Variants in SCMH1 observed in about 807,000 individuals in gnomAD.
SCMH1 encodes the protein polycomb protein SCMH1.
In SCMH1, 37 loss-of-function variants were observed where a neutral mutation model predicts 70.8. The observed-to-expected ratio is 0.52, with a 90% confidence interval of 0.40 to 0.69. SCMH1 has a LOEUF of 0.69. SCMH1 is among the 30% of genes least tolerant of loss of function. The pLI is 0.00. For synonymous variants in SCMH1, 292 were observed against 307.4 expected (o/e 0.95, Z 0.52); for missense variants, 607 against 827.3 (o/e 0.73, Z 3.27).
At chr1:41,219,747 C>T (rs764064163) in intron 1 of SCMH1, among the ~76,000 whole-genome samples, 7 of 152,136 alleles carry the variant, frequency 4.6e-5, no homozygotes, top group African/African-American at 7.2e-5. Context: ...CTGGCCAACA[C>T]GGCGAAACCG....
intron 2 of SCMH1, among the ~76,000 whole-genome samples, chr1:41,174,772 T>C (rs980988071): frequency 6.6e-6 from 1 of 152,234 alleles, no homozygotes; most frequent in African/African-American, 2.4e-5. Context: ...CTTATTTTCT[T>C]ATCATGTAAC....
Position 41,190,235 on chromosome 1 carries a change from G to A in SCMH1, c.-117-3985C>T, listed in dbSNP as rs189602086. 7.9e-5 allele frequency among the ~76,000 whole-genome samples: 12 copies of A among 152,282 alleles called. No individual in the cohort carries two copies. The East Asian group carries it at 2.3e-3, about 29-fold the overall frequency. On this transcript the variant is annotated intron_variant, in intron 1 of 14. Transcript: ENST00000337495. Reference sequence around the variant, plus strand: ...AGTGAGAATTTAAGAAACTAGGGAAGGTTAACTAGAAGGAAAGACTCAGGG... The same window carrying A: ...AGTGAGAATTTAAGAAACTAGGGAAAGTTAACTAGAAGGAAAGACTCAGGG...
chr1:41,071,882 C>T lies in SCMH1; in HGVS notation c.979-1161G>A, dbSNP rs116447836. ...CTCATTATATTGCCAAGGCTGGTCT[C>T]GAACTTCTCCTGCTCAAGCGATCCT... is the stretch of plus-strand genomic sequence containing the variant. On this transcript the variant is annotated intron_variant, in intron 9 of 14. Coordinates refer to ENST00000337495, the Ensembl canonical transcript of SCMH1. 8.1e-3 allele frequency among the ~76,000 whole-genome samples: 1,231 copies of T among 152,182 alleles called. 10 individuals carry two copies. The highest frequency in any genetic ancestry group is 0.013 in the Non-Finnish European group (871 of 67,988).
chr1:41,094,612 A>G (rs905868633), intron 8 of SCMH1, among the ~76,000 whole-genome samples: 3 of 152,142 alleles, frequency 2.0e-5, no homozygotes, highest in Non-Finnish European at 4.4e-5. Context: ...AAAAAGAGCC[A>G]GGCATCATGG....
chr1:41,151,450 A>T lies in SCMH1; in HGVS notation c.177+164T>A, dbSNP rs142461904. 3.3e-3 allele frequency among the ~76,000 whole-genome samples: 506 copies of T among 152,292 alleles called. 5 individuals carry two copies. Among genetic ancestry groups the T allele is most frequent in the African/African-American group, 0.011 (469 of 41,564 alleles). Reference sequence around the variant, plus strand: ...GAAAGAATGTCTGCTGCCAAAACTCACAGTGACCAAATTTTACTTCTTGAG... The same window carrying T: ...GAAAGAATGTCTGCTGCCAAAACTCTCAGTGACCAAATTTTACTTCTTGAG... On this transcript the variant is annotated intron_variant, in intron 5 of 14. Transcript: ENST00000337495.
At chr1:41,165,134 TTA>T in intron 2 of SCMH1, among the ~76,000 whole-genome samples, 1 of 152,150 alleles carries the variant, frequency 6.6e-6, no homozygotes, top group Non-Finnish European at 1.5e-5. Context: ...ACATGTGAGA[TTA>T]TATGATATTT....
chr1:41,123,363 G>A (rs1279347815), intron 6 of SCMH1, among the ~76,000 whole-genome samples: 1 of 152,188 alleles, frequency 6.6e-6, no homozygotes, highest in Non-Finnish European at 1.5e-5. Context: ...TGAAGTTACT[G>A]TATATACTAA....
intron 9 of SCMH1, among the ~76,000 whole-genome samples, chr1:41,074,165 G>A (rs1256933317): frequency 6.6e-6 from 1 of 150,722 alleles, no homozygotes; most frequent in Non-Finnish European, 1.5e-5. Flanking sequence ...TTCAGTAACA[G>A]TGCTCAGTGA....
chr1:41,122,992 G>T (rs1296880545), intron 6 of SCMH1, among the ~76,000 whole-genome samples: 1 of 152,122 alleles, frequency 6.6e-6, no homozygotes, highest in Non-Finnish European at 1.5e-5. Flanking sequence ...GACTGACGCA[G>T]GAGGATCACT....
intron 1 of SCMH1, among the ~76,000 whole-genome samples, chr1:41,208,863 A>G (rs1437794346): frequency 6.6e-6 from 1 of 152,226 alleles, no homozygotes; most frequent in Non-Finnish European, 1.5e-5. Flanking sequence ...GCGGAAGGCA[A>G]GAAATAAATA....
At chr1:41,067,340 A>C (rs12046059) in intron 10 of SCMH1, among the ~76,000 whole-genome samples, 317 of 151,604 alleles carry the variant, frequency 2.1e-3, no homozygotes, top group Non-Finnish European at 3.5e-3. Context: ...GGTACTCGGA[A>C]GGCTGAGGCA....
At chr1:41,236,291 G>A (rs1048960013) in intron 1 of SCMH1, among the ~76,000 whole-genome samples, 1 of 152,192 alleles carries the variant, frequency 6.6e-6, no homozygotes, top group Non-Finnish European at 1.5e-5. Context: ...TCTTCTTTGG[G>A]ATGGGAGGGG....
Position 41,135,533 on chromosome 1 carries a change from C to T in SCMH1, c.412+7345G>A, listed in dbSNP as rs144687466. ...AGAAGGATGTGTTTGCTTCCCCTTC[C>T]ACCATGAATGTAAGTTTCCTGAGGC... On this transcript the variant is annotated intron_variant, in intron 6 of 14. Transcript: ENST00000337495. Among the ~76,000 whole-genome samples, 742 of 152,270 alleles carry T rather than the reference C, an allele frequency of 4.9e-3. 4 individuals carry two copies. The highest frequency in any genetic ancestry group is 6.1e-3 in the Non-Finnish European group (415 of 68,014).
intron 12 of SCMH1, among the ~76,000 whole-genome samples, chr1:41,038,574 C>A (rs1383268999): frequency 6.6e-6 from 1 of 152,186 alleles, no homozygotes; most frequent in Non-Finnish European, 1.5e-5. Flanking sequence ...GATTTTAGGA[C>A]TGCTTTCTAA....
chr1:41,214,658 T>C (rs1657721505), intron 1 of SCMH1, among the ~76,000 whole-genome samples: 1 of 152,134 alleles, frequency 6.6e-6, no homozygotes, highest in Non-Finnish European at 1.5e-5. Context: ...AGGCAGAACA[T>C]ATTCTGATGC....
intron 10 of SCMH1, among the ~76,000 whole-genome samples, chr1:41,050,249 C>T (rs972678156): frequency 1.2e-4 from 19 of 152,204 alleles, no homozygotes; most frequent in Admixed American, 3.3e-4. Flanking sequence ...ACATTTTCTC[C>T]TCCATCTGCT....
chr1:41,076,893 T>C (rs1571852512), intron 8 of SCMH1, among the ~76,000 whole-genome samples: 1 of 151,978 alleles, frequency 6.6e-6, no homozygotes, highest in South Asian at 2.1e-4. Flanking sequence ...ATTCTAAATA[T>C]AAAGGGAAGC....
chr1:41,238,584 C>G (rs942601303), intron 1 of SCMH1, among the ~76,000 whole-genome samples: 13 of 152,314 alleles, frequency 8.5e-5, no homozygotes, highest in African/African-American at 3.1e-4. Flanking sequence ...TCACATCTTT[C>G]TCTCTTCCCC....
chr1:41,184,248 C>T (rs1292586384), intron 2 of SCMH1, among the ~76,000 whole-genome samples: 2 of 152,090 alleles, frequency 1.3e-5, no homozygotes, highest in Admixed American at 6.5e-5. Context: ...AGGCCGAGTG[C>T]CAGGCATTTT....
Sources: allele counts gnomAD v4.1 joint callset (sites outside exome capture counted in the v4.1 genomes callset), GRCh38; gene constraint gnomAD v4.1.1; transcripts MANE v1.5; gene names NCBI Gene and HGNC (gene_info 2026-07-23, HGNC 2026-07-21).